WDR11: variants seen among roughly 807,000 people sequenced by gnomAD.
WDR11 encodes WD repeat-containing protein 11.
A neutral mutation model predicts 151.2 loss-of-function variants in WDR11; 83 were observed. The ratio of observed to expected loss-of-function variants is 0.55; its 90% CI spans 0.46 to 0.66. WDR11 has a LOEUF of 0.66. WDR11 is among the 30% of genes least tolerant of loss of function. The pLI is 0.00. For missense variants in WDR11, 1,301 were observed against 1,480.9 expected, an observed-to-expected ratio of 0.88 and a Z score of 1.99; for synonymous variants, 484 against 533.1, an observed-to-expected ratio of 0.91 and a Z score of 1.27.
chr10:120,869,718 A>G (rs975698127), intron 9 of WDR11, among the ~76,000 whole-genome samples: 15 of 152,174 alleles, frequency 9.9e-5, no homozygotes, highest in Non-Finnish European at 1.8e-4. Context: ...CTGGATGTCA[A>G]CTCAAAGCCA....
intron 2 of WDR11, 21 bp from the exon 3 acceptor site, chr10:120,858,622 T>C (rs1564937774): frequency 6.2e-7 from 1 of 1,614,128 alleles, no homozygotes; most frequent in Admixed American, 1.7e-5. Context: ...ATTTACTTGA[T>C]CTGATTTCTT....
Position 120,873,986 on chromosome 10 carries a change from C to T in WDR11, c.1556+63C>T, listed in dbSNP as rs1033579755. On this transcript the variant is annotated intron_variant, in intron 11 of 28. Transcript: ENST00000263461. ...ATATCAGAAAAAAAATTCTCATAGACTTTTCTACATTGAGTACTCTGTAAT... is the reference window on the plus strand; with the variant it reads ...ATATCAGAAAAAAAATTCTCATAGATTTTTCTACATTGAGTACTCTGTAAT... 1.4e-5 allele frequency: 15 copies of T among 1,089,394 alleles called. No homozygotes were observed. In the African/African-American group the frequency reaches 2.2e-4, roughly 16 times the overall value. 67.5% of individuals were successfully genotyped at this position (1,089,394 alleles called of 1,614,324 possible). A position where few individuals can be genotyped will look rare whatever the true frequency, so the allele number is the denominator to read the frequency against.
chr10:120,869,524 A>T (rs1846451211), intron 9 of WDR11, among the ~76,000 whole-genome samples: 1 of 150,016 alleles, frequency 6.7e-6, no homozygotes, highest in Non-Finnish European at 1.5e-5. Flanking sequence ...TTTTAATTTA[A>T]ACTTTTAATT....
rs778641161 is a variant in WDR11, at chr10:120,886,849, T to G, written c.2121+13T>G. The G allele has an allele frequency of 6.2e-7, 1 of 1,613,926 alleles. No individual in the cohort carries two copies. The highest frequency in any genetic ancestry group is 8.5e-7 in the Non-Finnish European group (1 of 1,179,888). ...GATTCCACCAGATGTGAGTACAACC[T>G]TGATTAAATCTTCATCAAGAAGATT... On this transcript the variant is annotated intron_variant, in intron 16 of 28. Transcript: ENST00000263461.
intron 12 of WDR11, chr10:120,879,941 G>A (rs1244651766): frequency 6.6e-6 from 1 of 152,082 alleles, no homozygotes; most frequent in Non-Finnish European, 1.5e-5. Flanking sequence ...TTCCTTTGCG[G>A]GTAACTCATT....
chr10:120,874,723 C>T (rs1846697993), intron 11 of WDR11, among the ~76,000 whole-genome samples: 2 of 152,004 alleles, frequency 1.3e-5, no homozygotes, highest in South Asian at 2.1e-4. Flanking sequence ...ATCCATATCC[C>T]TGCAAAGGAC....
intron 1 of WDR11, 142 bp downstream of exon 1, chr10:120,851,648 G>T (rs1845777022): frequency 4.0e-6 from 4 of 989,570 alleles, no homozygotes; most frequent in Non-Finnish European, 6.1e-6. Context: ...CTTGCTTTCA[G>T]TTGGTGGATT....
intron 9 of WDR11, among the ~76,000 whole-genome samples, chr10:120,868,389 G>A (rs1846393373): frequency 1.3e-5 from 2 of 151,966 alleles, no homozygotes; most frequent in African/African-American, 2.4e-5. Context: ...GGGAGGCGGT[G>A]GAGGTTGCAG....
chr10:120,863,935 A>AT (rs1846223708), intron 5 of WDR11, among the ~76,000 whole-genome samples: 1 of 152,120 alleles, frequency 6.6e-6, no homozygotes, highest in South Asian at 2.1e-4. Flanking sequence ...AGAACTTTCT[A>AT]TTTTTTATGT....
chr10:120,873,429 GA>G (rs1226353727), intron 10 of WDR11, among the ~76,000 whole-genome samples: 1 of 152,172 alleles, frequency 6.6e-6, no homozygotes, highest in Non-Finnish European at 1.5e-5. Flanking sequence ...ACTTTGGAAA[GA>G]AAAATGGATA....
rs1590122597 is a variant in WDR11 at position 120,904,868 on chromosome 10, C to A, written c.3193+57C>A. 19 of 1,593,834 alleles carry A rather than the reference C, an allele frequency of 1.2e-5. 1 individual carries two copies. Among genetic ancestry groups the A allele is most frequent in the South Asian group, 8.8e-5 (8 of 90,618 alleles). On this transcript the variant is annotated intron_variant, in intron 25 of 28. Coordinates refer to ENST00000263461, the MANE Select transcript of WDR11 (RefSeq NM_018117.12). ...CTGAAAAATGAGACCTTGTTCCCAG[C>A]AAAGTATCTGATTAGTAGGGACATT... is the stretch of plus-strand genomic sequence containing the variant.
In WDR11 at chr10:120,905,993, T is replaced by C; in HGVS notation, c.3409T>C (p.Phe1137Leu). ...CCTGGTTCTCCTCTCTCTGGGCTGC[T>C]TTTTTAGCGTGGCAGAGACGCTTCA... The part of the protein sequence containing the change: ...ALLVLLSLGC[F>L]FSVAETLHSM... The change falls in exon 27 of 29, where the codon TTT becomes CTT. Residue 1137 changes from phenylalanine to leucine, a missense_variant. Coordinates refer to ENST00000263461, the MANE Select transcript of WDR11 (RefSeq NM_018117.12). The C allele has an allele frequency of 2.5e-6, 4 of 1,613,940 alleles. No homozygotes were observed.
At chr10:120,890,683 G>C (rs1847402732) in intron 18 of WDR11, 33 bp from the exon 19 acceptor site, 4 of 1,613,654 alleles carry the variant, frequency 2.5e-6, no homozygotes, top group Admixed American at 1.7e-5. Flanking sequence ...TTCCTTTTCT[G>C]TCTGGAAGTG....
At position 120,908,768 on chromosome 10, in the gene WDR11, T is replaced by TC; in HGVS notation, c.*56dup. The TC allele has an allele frequency of 6.2e-7, 1 of 1,604,048 alleles. No individual in the cohort carries two copies. Among genetic ancestry groups the TC allele is most frequent in the Non-Finnish European group, 8.5e-7 (1 of 1,172,652 alleles). On this transcript the variant is annotated 3_prime_UTR_variant, in exon 29 of 29. Coordinates refer to ENST00000263461, the MANE Select transcript of WDR11 (RefSeq NM_018117.12). ...TGGAAGGCAGATGGGAGGGGGCTGG[T>TC]CTGGCTGTGGCCACCGTCACAGTCC...
At chr10:120,874,836 T>A (rs951631967) in intron 11 of WDR11, among the ~76,000 whole-genome samples, 2 of 151,822 alleles carry the variant, frequency 1.3e-5, no homozygotes, top group African/African-American at 4.8e-5. Context: ...CTGGGATACA[T>A]GTGCAGAATG....
chr10:120,903,394 C>T (rs979079218), intron 23 of WDR11, among the ~76,000 whole-genome samples, 162 bp downstream of exon 23: 1 of 151,850 alleles, frequency 6.6e-6, no homozygotes, highest in Non-Finnish European at 1.5e-5. Context: ...CCTGTAGTCC[C>T]AGCTACTCAG....
At chr10:120,892,267 T>C (rs1057322528) in intron 19 of WDR11, among the ~76,000 whole-genome samples, 13 of 152,356 alleles carry the variant, frequency 8.5e-5, no homozygotes, top group Non-Finnish European at 1.6e-4. Context: ...TGGCCAGATT[T>C]TAGATCACAT....
chr10:120,880,985 G>A (rs1046224687), intron 13 of WDR11, 84 bp downstream of exon 13: 2 of 1,193,558 alleles, frequency 1.7e-6, no homozygotes, highest in African/African-American at 3.0e-5. Context: ...AAATGGGAAT[G>A]TGCTGGAATG....
intron 9 of WDR11, 150 bp downstream of exon 9, chr10:120,867,319 A>C: frequency 2.9e-6 from 2 of 690,006 alleles, no homozygotes; most frequent in Admixed American, 4.7e-5. Flanking sequence ...AATAAATCAG[A>C]GGGGTTTAAA....
Sources: allele counts gnomAD v4.1 joint callset (sites outside exome capture counted in the v4.1 genomes callset), GRCh38; gene constraint gnomAD v4.1.1; transcripts MANE v1.5; gene names NCBI Gene and HGNC (gene_info 2026-07-23, HGNC 2026-07-21).